TENM4: variants seen among roughly 807,000 people sequenced by gnomAD.
The protein encoded by TENM4 is teneurin transmembrane protein 4.
A neutral mutation model predicts 243.3 loss-of-function variants in TENM4; 82 were observed. The observed-to-expected ratio is 0.34, with a 90% CI of 0.28 to 0.40. The LOEUF (loss-of-function observed/expected upper bound fraction) is 0.40, where lower values mean the gene tolerates loss of function less well. Ranked by LOEUF, TENM4 falls within the 10% of genes least tolerant of loss-of-function variation. The probability of loss-of-function intolerance (pLI) is 1.00; values close to 1 mark genes in which losing one functional copy is unlikely to be tolerated. For synonymous variants in TENM4, 1,412 were observed against 1,456.3 expected (o/e 0.97, Z 0.69); for missense variants, 3,138 against 3,673.3 (o/e 0.85, Z 3.77).
At chr11:79,131,101 C>T (rs1158916878) in intron 4 of TENM4, among the ~76,000 whole-genome samples, 2 of 152,094 alleles carry the variant, frequency 1.3e-5, no homozygotes, top group African/African-American at 4.8e-5. Flanking sequence ...GCTTGGAAAA[C>T]ATATTTGGGG....
chr11:79,435,054 A>G (rs1859244270), intron 1 of TENM4, among the ~76,000 whole-genome samples: 1 of 152,186 alleles, frequency 6.6e-6, no homozygotes, highest in Non-Finnish European at 1.5e-5. Context: ...ATGCTTTATC[A>G]TTAGATGAAA....
chr11:78,999,903 A>G (rs189465513), intron 6 of TENM4, among the ~76,000 whole-genome samples: 2 of 152,046 alleles, frequency 1.3e-5, no homozygotes, highest in African/African-American at 4.8e-5. Flanking sequence ...ACATTAATCT[A>G]TATATCCAAG....
intron 1 of TENM4, among the ~76,000 whole-genome samples, chr11:79,335,094 A>G (rs979264056): frequency 2.0e-5 from 3 of 152,224 alleles, no homozygotes; most frequent in African/African-American, 7.2e-5. Context: ...CACTTATCAC[A>G]GGGTTTGTTA....
In TENM4 at chr11:79,438,375, A is replaced by T. The variant is rs529186680; in HGVS notation, c.-321+2134T>A. On this transcript the variant is annotated intron_variant, in intron 1 of 33. Transcript: ENST00000278550. The surrounding 1 kb of genome is among the most constrained non-coding windows in gnomAD (Gnocchi z 4.1). ...GGGAGAATAAACGCAACAGAAGCAA[A>T]CTGCTGTCTGCAGAGGCGAGAGGCG... 1.6e-4 allele frequency among the ~76,000 whole-genome samples: 24 copies of T among 152,312 alleles called. 1 individual carries two copies. In the East Asian group the frequency reaches 4.4e-3, roughly 28 times the overall value.
intron 10 of TENM4, among the ~76,000 whole-genome samples, chr11:78,858,104 C>G (rs1393230909): frequency 6.6e-6 from 1 of 152,164 alleles, no homozygotes; most frequent in African/African-American, 2.4e-5. Context: ...AAAATAAATA[C>G]TGGAAAACTG....
intron 3 of TENM4, among the ~76,000 whole-genome samples, chr11:79,180,542 G>A (rs10899601): frequency 0.18 from 27,020 of 151,558 alleles, 3,793 homozygotes; most frequent in Non-Finnish European, 0.26. Context: ...GAACAATACC[G>A]CGCACTTGGC....
intron 2 of TENM4, among the ~76,000 whole-genome samples, chr11:79,280,671 T>C (rs935335189): frequency 6.6e-5 from 10 of 152,192 alleles, no homozygotes; most frequent in African/African-American, 2.4e-4. Flanking sequence ...TAGTCACCTG[T>C]CCCAATTAAC....
chr11:78,993,429 G>C (rs938121888), intron 6 of TENM4, among the ~76,000 whole-genome samples: 2 of 151,998 alleles, frequency 1.3e-5, no homozygotes, highest in Non-Finnish European at 2.9e-5. Context: ...CATCAAATTT[G>C]AAAAAATCTC....
intron 19 of TENM4, among the ~76,000 whole-genome samples, chr11:78,755,420 G>T (rs1415774850): frequency 6.6e-6 from 1 of 152,090 alleles, no homozygotes; most frequent in Non-Finnish European, 1.5e-5. Context: ...CTGCCCGCCT[G>T]AGCCTCCCAG....
In TENM4 at chr11:78,903,270, G is replaced by A. The variant is rs1318964255; in HGVS notation, c.747C>T (p.Thr249=). 6.7e-7 allele frequency: 1 copy of A among 1,488,620 alleles called. No individual in the cohort carries two copies. Among genetic ancestry groups the A allele is most frequent in the Non-Finnish European group, 8.9e-7 (1 of 1,124,472 alleles). The allele number at this position is 1,488,620 out of a possible 1,614,324, so 92.2% of individuals were successfully genotyped here. Residue 249 remains threonine (T), a splice_region_variant and synonymous_variant, in exon 7 of 34, where the codon ACC becomes ACT. Coordinates refer to ENST00000278550, the MANE Select transcript of TENM4 (RefSeq NM_001098816.3). ...WLLNSNIPLE[T]RNLGKQPFLG... ...CACCCTCCCTACCGGCCGCGCACCTGGTCTCCAGGGGGATGTTGCTGTTGA... is the reference window on the plus strand; with the variant it reads ...CACCCTCCCTACCGGCCGCGCACCTAGTCTCCAGGGGGATGTTGCTGTTGA...
At chr11:78,761,026 C>T (rs1384361069) in intron 18 of TENM4, among the ~76,000 whole-genome samples, 1 of 151,978 alleles carries the variant, frequency 6.6e-6, no homozygotes, top group Non-Finnish European at 1.5e-5. Flanking sequence ...CGTTTTCTCT[C>T]TTTAGTCATT....
At chr11:78,838,481 C>T (rs1435171065) in intron 12 of TENM4, among the ~76,000 whole-genome samples, 2 of 152,144 alleles carry the variant, frequency 1.3e-5, no homozygotes, top group Non-Finnish European at 2.9e-5. Flanking sequence ...TCCTCTTCGA[C>T]CCAGAGATAT....
At chr11:78,826,472 C>A (rs948311072) in intron 12 of TENM4, among the ~76,000 whole-genome samples, 1 of 152,096 alleles carries the variant, frequency 6.6e-6, no homozygotes, top group African/African-American at 2.4e-5. Context: ...CAGGTAAAAA[C>A]CTCTATGTTG....
chr11:78,783,407 T>C (rs1045343895), intron 16 of TENM4, among the ~76,000 whole-genome samples: 1 of 152,194 alleles, frequency 6.6e-6, no homozygotes, highest in Non-Finnish European at 1.5e-5. Flanking sequence ...TAAGTAACAG[T>C]AAAAATGAAG....
intron 6 of TENM4, chr11:79,064,522 C>T (rs960904398): frequency 1.1e-5 from 7 of 626,110 alleles, no homozygotes; most frequent in East Asian, 3.0e-5. Context: ...CTCCCTAATC[C>T]GGAAGCAAAG....
At chr11:78,667,089 A>T (rs144738328) in intron 32 of TENM4, among the ~76,000 whole-genome samples, 2 of 152,322 alleles carry the variant, frequency 1.3e-5, no homozygotes, top group East Asian at 3.9e-4. Flanking sequence ...TGGAAATGTC[A>T]TCTCAATCTG....
At chr11:79,035,352 T>A (rs76011141) in intron 6 of TENM4, among the ~76,000 whole-genome samples, 2,701 of 152,314 alleles carry the variant, frequency 0.018, 28 homozygotes, top group Middle Eastern at 0.037. Context: ...TATTTTATTT[T>A]AAAATTCTCA....
At chr11:78,947,063 G>T (rs1156512716) in intron 6 of TENM4, among the ~76,000 whole-genome samples, 1 of 152,214 alleles carries the variant, frequency 6.6e-6, no homozygotes, top group Non-Finnish European at 1.5e-5. Context: ...AGTTTTGAAA[G>T]AAATTCTACT....
Position 78,805,377 on chromosome 11 carries a change from G to C in TENM4, c.2094C>G (p.Asp698Glu). 1 of 1,608,114 alleles carries C rather than the reference G, an allele frequency of 6.2e-7. No homozygotes were observed. The highest frequency in any genetic ancestry group is 8.5e-7 in the Non-Finnish European group (1 of 1,177,248). Residue 698 changes from aspartate (D) to glutamate (E), a missense_variant, in exon 15 of 34, where the codon GAC becomes GAG. Asp to Glu is a conservative substitution (Grantham distance 45). Transcript: ENST00000278550. ...GGAAGGTTCCGTGGCCTGAACACTG[G>C]TCTAAGCATGTGGCCCTGGGGGTCT... Reference protein sequence around the residue: ...NCETPRATCLDQCSGHGTFLP... With the variant: ...NCETPRATCLEQCSGHGTFLP...
Sources: gnomAD v4.1 joint callset for allele counts (sites outside exome capture counted in the v4.1 genomes callset) on GRCh38, gnomAD v4.1.1 for gene constraint, Gnocchi (gnomAD v3.1) non-coding constraint, MANE v1.5 for transcripts, NCBI Gene and HGNC (gene_info 2026-07-23, HGNC 2026-07-21) for gene names.